CNTN5: variants seen among roughly 807,000 people sequenced by gnomAD.
CNTN5 encodes the protein contactin-5.
A neutral mutation model predicts 129.1 loss-of-function variants in CNTN5; 77 were observed. That is an observed-to-expected ratio of 0.60 (90% CI 0.50 to 0.72). The LOEUF is 0.72. Among genes scored for constraint, CNTN5 ranks in the 30% least tolerant of loss-of-function variants. The pLI, the probability that CNTN5 is intolerant of heterozygous loss-of-function variation, is 0.00. For missense variants in CNTN5, 1,478 were observed against 1,328.8 expected, an observed-to-expected ratio of 1.11 and a Z score of -1.75; for synonymous variants, 509 against 465.6, an observed-to-expected ratio of 1.09 and a Z score of -1.20.
At chr11:99,332,804 A>G (rs932911098) in intron 2 of CNTN5, among the ~76,000 whole-genome samples, 1 of 152,094 alleles carries the variant, frequency 6.6e-6, no homozygotes, top group Non-Finnish European at 1.5e-5. Context: ...AGTATCCAAG[A>G]TCACACTGTA....
intron 2 of CNTN5, among the ~76,000 whole-genome samples, chr11:99,463,394 C>T (rs527484935): frequency 1.4e-4 from 20 of 145,792 alleles, no homozygotes; most frequent in South Asian, 4.4e-4. Context: ...GCCGAGATCG[C>T]GCCACTGCAC....
intron 2 of CNTN5, among the ~76,000 whole-genome samples, chr11:99,356,362 G>A (rs140724307): frequency 6.6e-6 from 1 of 152,198 alleles, no homozygotes; most frequent in East Asian, 1.9e-4. Flanking sequence ...CATTTAACCA[G>A]GCAGGAGGAA....
intron 8 of CNTN5, among the ~76,000 whole-genome samples, chr11:99,971,187 C>G (rs796354671): frequency 6.6e-6 from 1 of 152,158 alleles, no homozygotes; most frequent in African/African-American, 2.4e-5. Flanking sequence ...ATTTCACTCA[C>G]TACCCAGTAG....
intron 1 of CNTN5, among the ~76,000 whole-genome samples, chr11:99,278,248 G>A (rs993946254): frequency 1.3e-5 from 2 of 151,552 alleles, no homozygotes; most frequent in Admixed American, 1.3e-4. Flanking sequence ...CTAACAGTGG[G>A]CTAGGCTTTC....
chr11:99,717,314 A>G (rs2135000474), intron 3 of CNTN5, among the ~76,000 whole-genome samples: 2 of 152,198 alleles, frequency 1.3e-5, no homozygotes, highest in East Asian at 3.9e-4. Flanking sequence ...AGTATAGATT[A>G]ATAATGATCA....
At chr11:99,769,063 A>G (rs1158438558) in intron 3 of CNTN5, among the ~76,000 whole-genome samples, 2 of 152,056 alleles carry the variant, frequency 1.3e-5, no homozygotes, top group Non-Finnish European at 2.9e-5. Flanking sequence ...AATTATTTTA[A>G]TATTATGGAC....
chr11:99,950,250 G>A (rs1271669936), intron 7 of CNTN5, among the ~76,000 whole-genome samples: 2 of 152,108 alleles, frequency 1.3e-5, no homozygotes, highest in Admixed American at 6.6e-5. Flanking sequence ...AGGCCGAGGC[G>A]GGTGGATCAC....
At chr11:100,032,000 G>T (rs1024383801) in intron 9 of CNTN5, among the ~76,000 whole-genome samples, 1 of 152,146 alleles carries the variant, frequency 6.6e-6, no homozygotes, top group Non-Finnish European at 1.5e-5. Flanking sequence ...TCAACCTGCC[G>T]ATCCACATAG....
chr11:99,341,149 A>C (rs1420308332), intron 2 of CNTN5, among the ~76,000 whole-genome samples: 1 of 152,162 alleles, frequency 6.6e-6, no homozygotes, highest in Non-Finnish European at 1.5e-5. Context: ...TTGTAACTGG[A>C]AGAGAGGCTT....
chr11:100,035,434 T>C (rs1941937426), intron 9 of CNTN5, among the ~76,000 whole-genome samples: 1 of 146,820 alleles, frequency 6.8e-6, no homozygotes, highest in Non-Finnish European at 1.5e-5. Flanking sequence ...TAAACATACG[T>C]GTGCATGTGT....
intron 1 of CNTN5, among the ~76,000 whole-genome samples, chr11:99,117,891 G>T (rs958991062): frequency 6.6e-6 from 1 of 152,238 alleles, no homozygotes; most frequent in African/African-American, 2.4e-5. Context: ...CAGAACTGTG[G>T]GAAATAAATG....
At chr11:99,871,602 A>G (rs1055837437) in intron 6 of CNTN5, among the ~76,000 whole-genome samples, 1 of 152,020 alleles carries the variant, frequency 6.6e-6, no homozygotes, top group African/African-American at 2.4e-5. Flanking sequence ...ATATACATTT[A>G]TGGCTTAGAA....
chr11:99,784,803 T>G (rs1945455055), intron 3 of CNTN5, among the ~76,000 whole-genome samples: 1 of 147,140 alleles, frequency 6.8e-6, no homozygotes, highest in Admixed American at 6.8e-5. Context: ...GTGTTTTTTT[T>G]TTTTTTTTTT....
Position 99,382,844 on chromosome 11 carries a change from A to AGTTTTTTTTT in CNTN5, c.-71+57360_-71+57361insGTTTTTTTTT, listed in dbSNP as rs774797660. Among the ~76,000 whole-genome samples, 43 of 69,372 alleles carry AGTTTTTTTTT rather than the reference A, an allele frequency of 6.2e-4. 3 individuals are homozygous for AGTTTTTTTTT. The highest frequency in any genetic ancestry group is 1.1e-3 in the Admixed American group (5 of 4,474). 45.5% of individuals were successfully genotyped at this position (69,372 alleles called of 152,430 possible). A position where few individuals can be genotyped will look rare whatever the true frequency, so the allele number is the denominator to read the frequency against. On this transcript the variant is annotated intron_variant, in intron 2 of 24. Transcript: ENST00000524871. ...CACATCTCACTAGTGTCTCTAAATA[A>AGTTTTTTTTT]CTTTTTTTTTTTTTTTTTTTTTTTT...
intron 1 of CNTN5, among the ~76,000 whole-genome samples, chr11:99,320,355 T>A (rs1865518718): frequency 6.6e-6 from 1 of 152,196 alleles, no homozygotes; most frequent in Admixed American, 6.5e-5. Flanking sequence ...ATTGTTACCA[T>A]TGCTGTTGGA....
At chr11:99,781,199 G>C (rs939397326) in intron 3 of CNTN5, among the ~76,000 whole-genome samples, 2 of 152,032 alleles carry the variant, frequency 1.3e-5, no homozygotes, top group Admixed American at 1.3e-4. Flanking sequence ...ATTGTTAACT[G>C]CCTGAAACAT....
At chr11:99,074,428 T>C (rs1865476853) in intron 1 of CNTN5, among the ~76,000 whole-genome samples, 2 of 152,068 alleles carry the variant, frequency 1.3e-5, no homozygotes, top group African/African-American at 4.8e-5. Context: ...AACCTAGAAC[T>C]GTAGAAACCC....
intron 3 of CNTN5, among the ~76,000 whole-genome samples, chr11:99,662,811 C>T (rs181477995): frequency 1.4e-4 from 21 of 152,254 alleles, no homozygotes; most frequent in African/African-American, 4.8e-4. Flanking sequence ...GAATCTCAGA[C>T]GCCATCCAGA....
intron 13 of CNTN5, among the ~76,000 whole-genome samples, chr11:100,161,676 A>T: frequency 6.6e-6 from 1 of 151,920 alleles, no homozygotes; most frequent in South Asian, 2.1e-4. Context: ...AATAATACTT[A>T]TATCAAAAAA....
Sources: allele counts gnomAD v4.1 joint callset (sites outside exome capture counted in the v4.1 genomes callset), GRCh38; gene constraint gnomAD v4.1.1; transcripts MANE v1.5; gene names NCBI Gene and HGNC (gene_info 2026-07-23, HGNC 2026-07-21).